KAT8: variants seen among roughly 807,000 people sequenced by gnomAD.
KAT8 encodes lysine acetyltransferase 8, also known as histone acetyltransferase KAT8.
KAT8 carries 40 observed loss-of-function variants against 62.9 expected under a neutral mutation model. The ratio of observed to expected loss-of-function variants is 0.64; its 90% CI spans 0.49 to 0.83. The LOEUF (loss-of-function observed/expected upper bound fraction) is 0.83. Ranked by LOEUF, KAT8 falls within the 40% of genes least tolerant of loss-of-function variation. The pLI, the probability that KAT8 is intolerant of heterozygous loss-of-function variation, is 0.00. For missense variants in KAT8, 387 were observed against 614.8 expected (o/e 0.63, Z 3.92); for synonymous variants, 278 against 254.5 (o/e 1.09, Z -0.88).
At chr16:31,129,107 T>C (rs1304137869) in intron 6 of KAT8, among the ~76,000 whole-genome samples, 1 of 152,244 alleles carries the variant, frequency 6.6e-6, no homozygotes, top group Non-Finnish European at 1.5e-5. Context: ...TAATATTTAA[T>C]ATTTACCTAG....
chr16:31,127,950 CAGAG>C lies in KAT8; in HGVS notation c.682-97_682-94del, dbSNP rs557996032. On this transcript the variant is annotated intron_variant, in intron 5 of 10. Coordinates refer to ENST00000219797, the MANE Select transcript of KAT8 (RefSeq NM_032188.3). ...GTAGGTGAAGTGTTGAGGGGGGAAA[CAGAG>C]AGGCAGAGACTTGCTCCAAAGCATG... 2,088 of 814,974 alleles carry C rather than the reference CAGAG, an allele frequency of 2.6e-3. 25 individuals carry two copies. The highest frequency in any genetic ancestry group is 1.3e-3 in the Non-Finnish European group (608 of 472,592). The allele number at this position is 814,974 out of a possible 1,614,324, so 50.5% of individuals were successfully genotyped here.
At position 31,127,332 on chromosome 16, in the gene KAT8, G is replaced by A; in HGVS notation, c.660G>A (p.Glu220=). ...ACTGCCTCAAGTACATGAAATATGAGAAGAGCTACCGCTTCCACTTGGTGA... is the reference window on the plus strand; with the variant it reads ...ACTGCCTCAAGTACATGAAATATGAAAAGAGCTACCGCTTCCACTTGGTGA... ...CEYCLKYMKY[E]KSYRFHLGQC... The change falls in exon 5 of 11, where the codon GAG becomes GAA. Residue 220 remains glutamate, a synonymous_variant. Transcript: ENST00000219797. The A allele has an allele frequency of 5.6e-6, 9 of 1,614,230 alleles. No homozygotes were observed. The highest frequency in any genetic ancestry group is 7.6e-6 in the Non-Finnish European group (9 of 1,180,038).
chr16:31,127,483 G>A, intron 5 of KAT8, 130 bp downstream of exon 5: 1 of 926,338 alleles, frequency 1.1e-6, no homozygotes, highest in Non-Finnish European at 1.6e-6. Context: ...GTACAGGGAA[G>A]AGCTGCTGGG....
chr16:31,128,899 T>C (rs1413368109), intron 6 of KAT8, among the ~76,000 whole-genome samples: 1 of 152,216 alleles, frequency 6.6e-6, no homozygotes, highest in African/African-American at 2.4e-5. Flanking sequence ...CTAGCTGTTG[T>C]AGAGAACTTG....
In KAT8 at chr16:31,129,918, G is replaced by A. The variant is rs557972100; in HGVS notation, c.772-99G>A. 3.7e-4 allele frequency: 497 copies of A among 1,342,424 alleles called. 2 individuals carry two copies. In the African/African-American group the frequency reaches 6.7e-3, roughly 18 times the overall value. 83.2% of individuals were successfully genotyped at this position (1,342,424 alleles called of 1,614,324 possible). ...CAGTGTGAAATCCTTCTGGCCTGGC[G>A]AGGCGCCCACTTCGCGTGGGCTGGT... On this transcript the variant is annotated intron_variant, in intron 6 of 10. Transcript: ENST00000219797.
intron 3 of KAT8, 163 bp downstream of exon 3, chr16:31,120,677 TA>T: frequency 1.5e-6 from 1 of 655,000 alleles, no homozygotes. Flanking sequence ...TTTTCATAGG[TA>T]AGAAAACAGA....
chr16:31,130,218 A>T, intron 7 of KAT8, 49 bp from the exon 8 acceptor site: 1 of 1,613,206 alleles, frequency 6.2e-7, no homozygotes. Context: ...GCATGAACAG[A>T]GAGTGGGGCA....
chr16:31,117,671 C>G lies in KAT8; in HGVS notation c.-11C>G. 1 of 1,387,604 alleles carries G rather than the reference C, an allele frequency of 7.2e-7. No homozygotes were observed. The highest frequency in any genetic ancestry group is 9.4e-7 in the Non-Finnish European group (1 of 1,066,284). 86.0% of individuals were successfully genotyped at this position (1,387,604 alleles called of 1,614,324 possible). A position where few individuals can be genotyped will look rare whatever the true frequency, so the allele number is the denominator to read the frequency against. ...GTGGCGTCCGATTCTGGCGTCACTTCCCTTCCCGCGATGGCGGCACAGGGA... is the reference window on the plus strand; with the variant it reads ...GTGGCGTCCGATTCTGGCGTCACTTGCCTTCCCGCGATGGCGGCACAGGGA... On this transcript the variant is annotated 5_prime_UTR_variant, in exon 1 of 11. Transcript: ENST00000219797.
intron 1 of KAT8, among the ~76,000 whole-genome samples, chr16:31,119,028 C>T (rs551092340): frequency 6.6e-6 from 1 of 152,212 alleles, no homozygotes; most frequent in South Asian, 2.1e-4. Flanking sequence ...GGATTACTGG[C>T]ATGAGCCACT....
At position 31,131,187 on chromosome 16, in the gene KAT8, C is replaced by T; in HGVS notation, c.1313-8C>T. On this transcript the variant is annotated splice_polypyrimidine_tract_variant and splice_region_variant and intron_variant, in intron 10 of 10. Transcript: ENST00000219797. ...CCCAGCCCTGCCTCCCGCCCCTTCTCCCCACAGTGGACTCCGTCTGCCTCA... is the reference window on the plus strand; with the variant it reads ...CCCAGCCCTGCCTCCCGCCCCTTCTTCCCACAGTGGACTCCGTCTGCCTCA... 1.2e-6 allele frequency: 2 copies of T among 1,613,954 alleles called. No homozygotes were observed. Among genetic ancestry groups the T allele is most frequent in the Non-Finnish European group, 8.5e-7 (1 of 1,179,888 alleles).
chr16:31,125,623 AAAG>A (rs1349453229), intron 3 of KAT8: 7 of 152,766 alleles, frequency 4.6e-5, no homozygotes, highest in African/African-American at 9.7e-5. Context: ...AAAAAAAAAA[AAAG>A]AAATAACACT....
At chr16:31,120,139 T>G in intron 1 of KAT8, 47 bp from the exon 2 acceptor site, 1 of 1,532,528 alleles carries the variant, frequency 6.5e-7, no homozygotes, top group Non-Finnish European at 9.0e-7. Context: ...GGATTCCTTT[T>G]GTTCCAGCCT....
chr16:31,127,260 A>C lies in KAT8; in HGVS notation c.588A>C (p.Pro196=). 1.2e-6 allele frequency: 2 copies of C among 1,614,226 alleles called. No individual in the cohort carries two copies. The highest frequency in any genetic ancestry group is 1.7e-6 in the Non-Finnish European group (2 of 1,180,014). ...NYEIDAWYFS[P]FPEDYGKQPK... Reference sequence around the variant, plus strand: ...AAATTGATGCCTGGTATTTCTCACCATTCCCCGAAGACTATGGGAAACAGC... The same window carrying C: ...AAATTGATGCCTGGTATTTCTCACCCTTCCCCGAAGACTATGGGAAACAGC... The change falls in exon 5 of 11, where the codon CCA becomes CCC. Residue 196 remains proline, a synonymous_variant. Coordinates refer to ENST00000219797, the MANE Select transcript of KAT8 (RefSeq NM_032188.3).
chr16:31,117,811 C>A lies in KAT8; in HGVS notation c.130C>A (p.Pro44Thr). 7.0e-7 allele frequency: 1 copy of A among 1,431,700 alleles called. No homozygotes were observed. The highest frequency in any genetic ancestry group is 9.2e-7 in the Non-Finnish European group (1 of 1,082,674). 88.7% of individuals were successfully genotyped at this position (1,431,700 alleles called of 1,614,324 possible). Residue 44 changes from proline to threonine, a missense_variant, in exon 1 of 11, where the codon CCG becomes ACG. Physicochemically the swap from Pro to Thr is conservative, Grantham distance 38. Coordinates refer to ENST00000219797, the MANE Select transcript of KAT8 (RefSeq NM_032188.3). ...CCCATCCCCGGGCCGCGTCTCTCCG[C>A]CGACCCCGGCGCGCGGCGAGCCGGA... ...TAPSPGRVSP[P>T]TPARGEPEVT...
chr16:31,127,125 T>C (rs1596823624), intron 4 of KAT8, 37 bp downstream of exon 4: 2 of 1,613,872 alleles, frequency 1.2e-6, no homozygotes, highest in Non-Finnish European at 1.7e-6. Flanking sequence ...AGGTCCCCCG[T>C]CTCCCCTTGC....
intron 1 of KAT8, 42 bp from the exon 2 acceptor site, chr16:31,120,144 C>T (rs1467422522): frequency 3.2e-6 from 5 of 1,558,774 alleles, no homozygotes; most frequent in East Asian, 4.5e-5. Flanking sequence ...CCTTTTGTTC[C>T]AGCCTTACCT....
At chr16:31,125,384 A>C (rs567680132) in intron 3 of KAT8, among the ~76,000 whole-genome samples, 35 of 152,028 alleles carry the variant, frequency 2.3e-4, no homozygotes, top group African/African-American at 7.5e-4. Flanking sequence ...CTGGTTGATC[A>C]CCTGAGGTCA....
chr16:31,131,322 C>T lies in KAT8; in HGVS notation c.*63C>T. On this transcript the variant is annotated 3_prime_UTR_variant, in exon 11 of 11. Coordinates refer to ENST00000219797, the MANE Select transcript of KAT8 (RefSeq NM_032188.3). ...CTCCCAGCCTGTAAATATGTATAGA[C>T]CTGTTTTGTCATTTTTTTAATAAAG... 6.3e-7 allele frequency: 1 copy of T among 1,579,464 alleles called. No homozygotes were observed. The highest frequency in any genetic ancestry group is 8.7e-7 in the Non-Finnish European group (1 of 1,154,168).
intron 1 of KAT8, chr16:31,118,162 C>G (rs1346131746): frequency 2.7e-6 from 1 of 369,670 alleles, no homozygotes; most frequent in Non-Finnish European, 4.8e-6. Flanking sequence ...CTTCCTTGCC[C>G]AGTCTTAGGC....
Sources: allele counts gnomAD v4.1 joint callset (sites outside exome capture counted in the v4.1 genomes callset), GRCh38; gene constraint gnomAD v4.1.1; transcripts MANE v1.5; gene names NCBI Gene and HGNC (gene_info 2026-07-23, HGNC 2026-07-21).